MME: variants seen among roughly 807,000 people sequenced by gnomAD.
MME encodes the protein neprilysin.
Under a neutral mutation model 113.2 loss-of-function variants are expected in MME, and 98 were observed. The ratio of observed to expected loss-of-function variants is 0.87; its 90% CI spans 0.74 to 1.02. MME has a LOEUF of 1.02. Ranked by LOEUF, MME falls within the 50% of genes least tolerant of loss-of-function variation. MME has a pLI of 0.00. For missense variants in MME, 836 were observed against 896.0 expected (o/e 0.93, Z 0.86); for synonymous variants, 292 against 300.6 (o/e 0.97, Z 0.30).
intron 3 of MME, among the ~76,000 whole-genome samples, chr3:155,101,772 C>T (rs61763220): frequency 2.0e-5 from 3 of 152,166 alleles, no homozygotes; most frequent in Non-Finnish European, 4.4e-5. Context: ...TTGCTTGTAG[C>T]TGAGAACTTC....
chr3:155,034,456 A>G (rs60995161), intron 1 of MME, among the ~76,000 whole-genome samples: 8,110 of 152,294 alleles, frequency 0.053, 634 homozygotes, highest in African/African-American at 0.17. Context: ...AGAGGTTAGA[A>G]GTGATGTTTT....
intron 8 of MME, 75 bp downstream of exon 8, chr3:155,118,886 A>C: frequency 1.0e-6 from 1 of 990,340 alleles, no homozygotes; most frequent in Non-Finnish European, 1.6e-6. Context: ...GAAAAAGATA[A>C]AGCCAAATTA....
At chr3:155,161,682 G>A (rs868022674) in intron 17 of MME, among the ~76,000 whole-genome samples, 2 of 151,996 alleles carry the variant, frequency 1.3e-5, no homozygotes, top group Non-Finnish European at 2.9e-5. Context: ...ATTTACGTTG[G>A]TACATGACCT....
At chr3:155,034,905 G>A (rs1012128060) in intron 1 of MME, among the ~76,000 whole-genome samples, 2 of 152,140 alleles carry the variant, frequency 1.3e-5, no homozygotes, top group Non-Finnish European at 2.9e-5. Flanking sequence ...TCAATTAGTG[G>A]TGGTGCCTGG....
chr3:155,165,133 AG>A (rs1431815909), intron 17 of MME, among the ~76,000 whole-genome samples: 1 of 151,918 alleles, frequency 6.6e-6, no homozygotes, highest in African/African-American at 2.4e-5. Context: ...TTGATACTGA[AG>A]GGTTTTTTTT....
At chr3:155,110,244 A>C (rs148408998) in intron 3 of MME, among the ~76,000 whole-genome samples, 1 of 152,186 alleles carries the variant, frequency 6.6e-6, no homozygotes, top group Non-Finnish European at 1.5e-5. Context: ...GGGAGGGAAG[A>C]GTGTGGGCTC....
chr3:155,084,310 T>G lies in MME; in HGVS notation c.143T>G (p.Leu48Arg). 6.2e-7 allele frequency: 1 copy of G among 1,614,184 alleles called. No individual in the cohort carries two copies. The highest frequency in any genetic ancestry group is 1.1e-5 in the South Asian group (1 of 91,078). ...LTIIAVTMIA[L>R]YATYDDGICK... ...ATCATAGCTGTGACAATGATCGCAC[T>G]CTATGCAACCTACGATGGTGAGTTA... Residue 48 changes from leucine to arginine, a missense_variant, in exon 2 of 23, where the codon CTC (leucine) becomes CGC (arginine). Leu to Arg is a moderately radical substitution (Grantham distance 102). Transcript: ENST00000360490.
intron 1 of MME, among the ~76,000 whole-genome samples, chr3:155,048,721 A>T (rs999801735): frequency 6.6e-6 from 1 of 152,104 alleles, no homozygotes; most frequent in Non-Finnish European, 1.5e-5. Context: ...AGTACATGGT[A>T]GGCCTCTTGA....
At position 155,142,054 on chromosome 3, in the gene MME, G is replaced by A; in HGVS notation, c.1021G>A (p.Glu341Lys). 6.2e-7 allele frequency: 1 copy of A among 1,613,698 alleles called. No homozygotes were observed. Among genetic ancestry groups the A allele is most frequent in the Non-Finnish European group, 8.5e-7 (1 of 1,179,716 alleles). The change falls in exon 11 of 23, where the codon GAG becomes AAG. Residue 341 changes from glutamate to lysine, a missense_variant. By Grantham distance (56) the Glu-to-Lys change is moderately conservative. Transcript: ENST00000360490. ...MSTVNISITN[E>K]EDVVVYAPEY... ...AACTGTGAATATTAGTATTACAAATGAGGAAGATGTGGTTGTTTATGCTCC... is the reference window on the plus strand; with the variant it reads ...AACTGTGAATATTAGTATTACAAATAAGGAAGATGTGGTTGTTTATGCTCC...
At chr3:155,093,027 A>G (rs1432833230) in intron 3 of MME, among the ~76,000 whole-genome samples, 2 of 150,340 alleles carry the variant, frequency 1.3e-5, no homozygotes, top group Admixed American at 1.3e-4. Context: ...ATTTTATGGT[A>G]TACAAATTAA....
intron 4 of MME, 80 bp from the exon 5 acceptor site, chr3:155,116,399 T>C: frequency 1.9e-6 from 2 of 1,072,896 alleles, no homozygotes; most frequent in East Asian, 2.4e-5. Flanking sequence ...CAAATGTTAA[T>C]TACTGCAAAT....
chr3:155,028,199 A>G (rs560880299), intron 1 of MME, among the ~76,000 whole-genome samples: 3 of 152,218 alleles, frequency 2.0e-5, no homozygotes, highest in Non-Finnish European at 4.4e-5. Context: ...TTCTATAAAG[A>G]TAGGACAGAA....
At chr3:155,164,954 C>T (rs1174728309) in intron 17 of MME, among the ~76,000 whole-genome samples, 1 of 152,054 alleles carries the variant, frequency 6.6e-6, no homozygotes, top group Non-Finnish European at 1.5e-5. Flanking sequence ...TAATATTTAT[C>T]CCTGAAGCCC....
In MME at chr3:155,139,954, AT is replaced by A. The variant is rs551178933; in HGVS notation, c.856-231del. Among the ~76,000 whole-genome samples, 189 of 152,286 alleles carry A rather than the reference AT, an allele frequency of 1.2e-3. 2 individuals are homozygous for A. Among genetic ancestry groups the A allele is most frequent in the African/African-American group, 4.1e-3 (171 of 41,574 alleles). ...TTGGCAGTTGTCAAAATATAGACAG[AT>A]TTTTTAAAAATTTTAAACTTGACCC... is the stretch of plus-strand genomic sequence containing the variant. On this transcript the variant is annotated intron_variant, in intron 9 of 22. Coordinates refer to ENST00000360490, the MANE Select transcript of MME (RefSeq NM_007289.4).
chr3:155,071,176 C>T (rs540556076), intron 1 of MME, among the ~76,000 whole-genome samples: 3 of 152,108 alleles, frequency 2.0e-5, no homozygotes, highest in Admixed American at 6.5e-5. Flanking sequence ...CGTTTCTCTG[C>T]GTATTGCCAG....
intron 1 of MME, among the ~76,000 whole-genome samples, chr3:155,055,009 C>A (rs1272570108): frequency 6.6e-6 from 1 of 152,136 alleles, no homozygotes; most frequent in Non-Finnish European, 1.5e-5. Context: ...TTTGGAGCAT[C>A]TATCTATATG....
At chr3:155,150,063 A>G (rs142081439) in intron 16 of MME, among the ~76,000 whole-genome samples, 135 of 152,348 alleles carry the variant, frequency 8.9e-4, no homozygotes, top group African/African-American at 3.1e-3. Flanking sequence ...GAAATTTCTT[A>G]TAAGTCTGTA....
intron 3 of MME, among the ~76,000 whole-genome samples, chr3:155,106,274 C>T (rs936724231): frequency 2.6e-5 from 4 of 152,164 alleles, no homozygotes; most frequent in South Asian, 2.1e-4. Flanking sequence ...TTTCTTGGAA[C>T]GTAACCAGTG....
intron 18 of MME, 30 bp downstream of exon 18, chr3:155,167,051 T>C: frequency 1.9e-6 from 3 of 1,612,676 alleles, no homozygotes; most frequent in Non-Finnish European, 2.5e-6. Flanking sequence ...TTCCTTTGGC[T>C]GAGGTATATG....
Sources: allele counts gnomAD v4.1 joint callset (sites outside exome capture counted in the v4.1 genomes callset), GRCh38; gene constraint gnomAD v4.1.1; transcripts MANE v1.5; gene names NCBI Gene and HGNC (gene_info 2026-07-23, HGNC 2026-07-21).